Variants in PRKG1 observed in about 807,000 individuals in gnomAD.
The protein encoded by PRKG1 is cGMP-dependent protein kinase 1.
In PRKG1, 35 loss-of-function variants were observed where a neutral mutation model predicts 88.1. That is an observed-to-expected ratio of 0.40 (90% CI 0.30 to 0.53). PRKG1 has a LOEUF of 0.53. Ranked by LOEUF, PRKG1 falls within the 20% of genes least tolerant of loss-of-function variation. The pLI, the probability that PRKG1 is intolerant of heterozygous loss-of-function variation, is 0.59. For missense variants in PRKG1, 540 were observed against 839.8 expected (o/e 0.64, Z 4.41); for synonymous variants, 303 against 292.5 (o/e 1.04, Z -0.37).
chr10:51,205,117 A>G (rs377078629), intron 2 of PRKG1, among the ~76,000 whole-genome samples: 2 of 43,598 alleles, frequency 4.6e-5, no homozygotes, highest in African/African-American at 1.5e-4. Flanking sequence ...AAGAATTTTC[A>G]TTTTCTTTTC....
chr10:52,052,586 C>T (rs939953687), intron 5 of PRKG1, among the ~76,000 whole-genome samples: 2 of 151,980 alleles, frequency 1.3e-5, no homozygotes, highest in African/African-American at 4.8e-5. Context: ...CTCAACATTC[C>T]ACATGGCTGG....
intron 4 of PRKG1, among the ~76,000 whole-genome samples, chr10:51,892,171 G>A (rs1841738080): frequency 6.7e-6 from 1 of 149,806 alleles, no homozygotes; most frequent in Non-Finnish European, 1.5e-5. Flanking sequence ...GAGTTACCTG[G>A]TTGAGTAAGT....
chr10:51,479,530 C>G (rs1007442857), intron 3 of PRKG1, among the ~76,000 whole-genome samples: 1 of 152,002 alleles, frequency 6.6e-6, no homozygotes, highest in Non-Finnish European at 1.5e-5. Flanking sequence ...GAGCTTTTCA[C>G]TTATATGATA....
intron 2 of PRKG1, among the ~76,000 whole-genome samples, chr10:51,194,575 A>G (rs1425001683): frequency 6.6e-6 from 1 of 152,112 alleles, no homozygotes; most frequent in African/African-American, 2.4e-5. Context: ...CAACAGTCCT[A>G]GAACTTTTTG....
At chr10:51,054,627 G>A (rs1354511989) in intron 1 of PRKG1, among the ~76,000 whole-genome samples, 4 of 152,176 alleles carry the variant, frequency 2.6e-5, no homozygotes, top group African/African-American at 9.7e-5. Flanking sequence ...CAAAGCATGA[G>A]TTTTGGTGAT....
chr10:51,374,853 G>A (rs1221561326), intron 2 of PRKG1, among the ~76,000 whole-genome samples: 1 of 152,202 alleles, frequency 6.6e-6, no homozygotes, highest in African/African-American at 2.4e-5. Flanking sequence ...GCAGGATTCA[G>A]TCCTTTGCTG....
intron 5 of PRKG1, among the ~76,000 whole-genome samples, chr10:52,044,336 G>A (rs1845816566): frequency 6.6e-6 from 1 of 152,036 alleles, no homozygotes; most frequent in African/African-American, 2.4e-5. Context: ...GGAAACAGAT[G>A]AACTGAGTCA....
chr10:51,258,706 A>C (rs1036900176), intron 2 of PRKG1, among the ~76,000 whole-genome samples: 1 of 152,248 alleles, frequency 6.6e-6, no homozygotes, highest in Non-Finnish European at 1.5e-5. Flanking sequence ...CAGAGCTCTC[A>C]GGACCATTAC....
intron 3 of PRKG1, among the ~76,000 whole-genome samples, chr10:51,749,139 C>T (rs1837654358): frequency 6.6e-6 from 1 of 152,174 alleles, no homozygotes; most frequent in African/African-American, 2.4e-5. Flanking sequence ...ACATACACTA[C>T]ATTGTTGACA....
intron 3 of PRKG1, among the ~76,000 whole-genome samples, chr10:51,772,571 G>A (rs73347238): frequency 0.01 from 1,545 of 151,946 alleles, 21 homozygotes; most frequent in African/African-American, 0.034. Context: ...AATTAGCCAT[G>A]GTTATTTCCT....
chr10:51,712,251 T>G (rs890339443), intron 3 of PRKG1, among the ~76,000 whole-genome samples: 2 of 152,184 alleles, frequency 1.3e-5, no homozygotes, highest in African/African-American at 4.8e-5. Flanking sequence ...TCCTTTCCTC[T>G]GAGTATAGAG....
At chr10:51,676,356 CCAAA>C (rs1269638484) in intron 3 of PRKG1, among the ~76,000 whole-genome samples, 2 of 151,352 alleles carry the variant, frequency 1.3e-5, no homozygotes, top group African/African-American at 2.4e-5. Context: ...TTGGTTCAGG[CCAAA>C]CAAAGAAACC....
chr10:51,392,378 C>G (rs1011498976), intron 2 of PRKG1, among the ~76,000 whole-genome samples: 11 of 152,190 alleles, frequency 7.2e-5, no homozygotes, highest in Middle Eastern at 3.4e-3. Flanking sequence ...CAAAGCACAT[C>G]TTGCACCGCC....
chr10:52,187,766 T>C (rs956293912), intron 9 of PRKG1, among the ~76,000 whole-genome samples: 1 of 152,186 alleles, frequency 6.6e-6, no homozygotes, highest in Non-Finnish European at 1.5e-5. Context: ...CACTGGTCAA[T>C]CTGACTTCCT....
intron 3 of PRKG1, among the ~76,000 whole-genome samples, chr10:51,774,195 T>C (rs1293547198): frequency 2.0e-5 from 3 of 152,114 alleles, no homozygotes; most frequent in Non-Finnish European, 4.4e-5. Context: ...CCAGGGCCAG[T>C]AAGTAGCCAA....
intron 2 of PRKG1, among the ~76,000 whole-genome samples, chr10:51,182,216 T>C (rs1441002191): frequency 6.6e-6 from 1 of 152,246 alleles, no homozygotes; most frequent in African/African-American, 2.4e-5. Flanking sequence ...GTGTGTGGTG[T>C]TGAAGACTTT....
intron 2 of PRKG1, among the ~76,000 whole-genome samples, chr10:51,442,041 G>A (rs888245816): frequency 1.3e-5 from 2 of 151,442 alleles, no homozygotes; most frequent in African/African-American, 4.9e-5. Flanking sequence ...CAAAAATGTG[G>A]GAAGTTTTAC....
chr10:51,434,657 G>A (rs1588954375), intron 2 of PRKG1, among the ~76,000 whole-genome samples: 1 of 152,076 alleles, frequency 6.6e-6, no homozygotes, highest in South Asian at 2.1e-4. Flanking sequence ...CGTAAGATCA[G>A]TGCATACGGT....
At position 51,065,649 on chromosome 10, in the gene PRKG1, C is replaced by T. The variant is rs1484351370; in HGVS notation, c.266+74005C>T. ...AAAGTTTTCCCTTTTGATTCTTTTC[C>T]ATCAGAGAGGTGTGTTTTGCATTTT... is the stretch of plus-strand genomic sequence containing the variant. On this transcript the variant is annotated intron_variant, in intron 1 of 17. Transcript: ENST00000401604. 2.6e-5 allele frequency among the ~76,000 whole-genome samples: 4 copies of T among 152,134 alleles called. No individual in the cohort carries two copies. In the South Asian group the frequency reaches 8.3e-4, roughly 32 times the overall value.
Sources: allele counts gnomAD v4.1 joint callset (sites outside exome capture counted in the v4.1 genomes callset), GRCh38; gene constraint gnomAD v4.1.1; transcripts MANE v1.5; gene names NCBI Gene and HGNC (gene_info 2026-07-23, HGNC 2026-07-21).